Variants in IGSF21 observed in about 807,000 individuals in gnomAD.
IGSF21 encodes the protein immunoglobulin superfamily member 21.
In IGSF21, 28 loss-of-function variants were observed where a neutral mutation model predicts 46.8. The observed-to-expected ratio is 0.60, with a 90% CI of 0.44 to 0.82. The LOEUF (loss-of-function observed/expected upper bound fraction) is 0.82. IGSF21 is among the 40% of genes least tolerant of loss of function. The pLI is 0.00. For synonymous variants in IGSF21, 284 were observed against 273.6 expected (o/e 1.04, Z -0.38); for missense variants, 624 against 665.5 (o/e 0.94, Z 0.69).
chr1:18,143,589 G>C (rs2124427410), intron 1 of IGSF21, among the ~76,000 whole-genome samples: 1 of 152,280 alleles, frequency 6.6e-6, no homozygotes, highest in East Asian at 1.9e-4. Context: ...AAGTCTTGCT[G>C]GAGAATCTGT....
intron 1 of IGSF21, among the ~76,000 whole-genome samples, chr1:18,121,305 G>A (rs760426458): frequency 8.5e-5 from 13 of 152,128 alleles, no homozygotes; most frequent in Non-Finnish European, 1.5e-4. Flanking sequence ...TGGAGCTCAG[G>A]GAGTAGCTGG....
intron 1 of IGSF21, among the ~76,000 whole-genome samples, chr1:18,224,039 C>A (rs1212841912): frequency 6.6e-6 from 1 of 152,164 alleles, no homozygotes; most frequent in African/African-American, 2.4e-5. Flanking sequence ...AGGACTCCAG[C>A]AGGGCTGAGA....
Position 18,320,044 on chromosome 1 carries a change from T to G in IGSF21, c.306-14848T>G, listed in dbSNP as rs12568331. On this transcript the variant is annotated intron_variant, in intron 3 of 9. Coordinates refer to ENST00000251296, the MANE Select transcript of IGSF21 (RefSeq NM_032880.5). ...TATGTTGGATGCATGAATGACCAGA[T>G]AGCTATTGCCTTCTCAGAGCTGGGT... Among the ~76,000 whole-genome samples, 286 of 152,314 alleles carry G rather than the reference T, an allele frequency of 1.9e-3. 2 individuals carry two copies. The East Asian group carries it at 0.026, about 14-fold the overall frequency.
Position 18,335,061 on chromosome 1 carries a change from G to A in IGSF21, c.424+51G>A, listed in dbSNP as rs1386911685. On this transcript the variant is annotated intron_variant, in intron 4 of 9. Transcript: ENST00000251296. This position sits in a 1 kb window ranked among gnomAD's most constrained non-coding sequence, Gnocchi z 4.8. ...GTGTCTCAGTGAGGAGGACGAGTAT[G>A]CTTGAGTGTGTGAATGTGCGCACAG... The A allele has an allele frequency of 7.1e-7, 1 of 1,410,956 alleles. No individual in the cohort carries two copies. Among genetic ancestry groups the A allele is most frequent in the Admixed American group, 1.7e-5 (1 of 59,610 alleles). 87.4% of individuals were successfully genotyped at this position (1,410,956 alleles called of 1,614,324 possible). A position where few individuals can be genotyped will look rare whatever the true frequency, so the allele number is the denominator to read the frequency against.
Position 18,294,305 on chromosome 1 carries a change from T to C in IGSF21, c.305+2318T>C, listed in dbSNP as rs2085293101. ...CGGCCTCTAAGTGGTACATGTTTGCTGCCATTGCCTAGAACAACCTCTCCT... is the reference window on the plus strand; with the variant it reads ...CGGCCTCTAAGTGGTACATGTTTGCCGCCATTGCCTAGAACAACCTCTCCT... On this transcript the variant is annotated intron_variant, in intron 3 of 9. Transcript: ENST00000251296. 1.3e-5 allele frequency among the ~76,000 whole-genome samples: 2 copies of C among 152,216 alleles called. 1 individual carries two copies. Among genetic ancestry groups the C allele is most frequent in the South Asian group, 4.1e-4 (2 of 4,830 alleles).
intron 2 of IGSF21, among the ~76,000 whole-genome samples, chr1:18,258,251 G>C (rs1354645692): frequency 6.6e-6 from 1 of 152,148 alleles, no homozygotes; most frequent in Non-Finnish European, 1.5e-5. Flanking sequence ...TCTCTTCTAG[G>C]GGGTGTTTGG....
At chr1:18,252,137 G>A (rs527563106) in intron 2 of IGSF21, among the ~76,000 whole-genome samples, 7 of 129,818 alleles carry the variant, frequency 5.4e-5, no homozygotes, top group South Asian at 5.4e-4. Context: ...TGCAAGCTCC[G>A]CCTCCTGGGT....
chr1:18,165,355 A>G (rs989803878), intron 1 of IGSF21, among the ~76,000 whole-genome samples: 2 of 152,108 alleles, frequency 1.3e-5, no homozygotes, highest in African/African-American at 4.8e-5. Flanking sequence ...GAGTCCTCAC[A>G]TGGTCTTTCC....
At chr1:18,146,364 G>A (rs1004448690) in intron 1 of IGSF21, among the ~76,000 whole-genome samples, 2 of 152,132 alleles carry the variant, frequency 1.3e-5, no homozygotes, top group African/African-American at 4.8e-5. Context: ...GCAGTATGGA[G>A]GTGGGGCAAC....
chr1:18,311,737 A>G (rs978721661), intron 3 of IGSF21, among the ~76,000 whole-genome samples: 1 of 152,228 alleles, frequency 6.6e-6, no homozygotes, highest in African/African-American at 2.4e-5. Context: ...ATGGTGGCAG[A>G]CAAGAGAGAA....
At chr1:18,311,397 T>G (rs1167241294) in intron 3 of IGSF21, among the ~76,000 whole-genome samples, 1 of 152,202 alleles carries the variant, frequency 6.6e-6, no homozygotes, top group African/African-American at 2.4e-5. Flanking sequence ...AGGCCCTCCC[T>G]CTGCTTCGTC....
At chr1:18,281,487 A>AT (rs2085160563) in intron 2 of IGSF21, among the ~76,000 whole-genome samples, 1 of 150,688 alleles carries the variant, frequency 6.6e-6, no homozygotes, top group African/African-American at 2.4e-5. Context: ...AATTGCTTGA[A>AT]CTCAGGAGAC....
chr1:18,208,182 G>A, intron 1 of IGSF21, among the ~76,000 whole-genome samples: 1 of 151,502 alleles, frequency 6.6e-6, no homozygotes, highest in Admixed American at 6.6e-5. Context: ...AAGGGAAGGG[G>A]CCCAGAGGCC....
intron 3 of IGSF21, among the ~76,000 whole-genome samples, chr1:18,301,792 G>A (rs999104127): frequency 2.6e-5 from 4 of 152,102 alleles, no homozygotes; most frequent in African/African-American, 9.7e-5. Flanking sequence ...AAGTTGCCAG[G>A]ATCAGTCATC....
intron 1 of IGSF21, among the ~76,000 whole-genome samples, chr1:18,186,132 C>A (rs940770649): frequency 6.6e-6 from 1 of 152,130 alleles, no homozygotes; most frequent in African/African-American, 2.4e-5. Flanking sequence ...TATTCCCTGT[C>A]CCCCAGACAC....
chr1:18,289,665 A>AG (rs1169398386), intron 2 of IGSF21, among the ~76,000 whole-genome samples: 1 of 151,744 alleles, frequency 6.6e-6, no homozygotes, highest in Non-Finnish European at 1.5e-5. Context: ...AATTCTTGGG[A>AG]GGGGGGCAAG....
At chr1:18,283,684 G>T (rs1192470659) in intron 2 of IGSF21, among the ~76,000 whole-genome samples, 1 of 151,902 alleles carries the variant, frequency 6.6e-6, no homozygotes, top group East Asian at 1.9e-4. Context: ...CCCCTGCCCT[G>T]GTTTTCCTCT....
At chr1:18,216,151 C>T (rs534316810) in intron 1 of IGSF21, among the ~76,000 whole-genome samples, 3 of 152,134 alleles carry the variant, frequency 2.0e-5, no homozygotes, top group South Asian at 2.1e-4. Context: ...GAGGGGGTGA[C>T]CATCACATTG....
intron 2 of IGSF21, among the ~76,000 whole-genome samples, chr1:18,276,669 T>A (rs1026832489): frequency 6.6e-6 from 1 of 152,176 alleles, no homozygotes; most frequent in East Asian, 1.9e-4. Context: ...TGCTGAGAGC[T>A]GGGGTCACAA....
Sources: allele counts gnomAD v4.1 joint callset (sites outside exome capture counted in the v4.1 genomes callset), GRCh38; gene constraint gnomAD v4.1.1; non-coding constraint Gnocchi (gnomAD v3.1); transcripts MANE v1.5; gene names NCBI Gene and HGNC (gene_info 2026-07-23, HGNC 2026-07-21).